Variants in ACADM observed in about 807,000 individuals in gnomAD.
ACADM encodes the protein medium-chain specific acyl-CoA dehydrogenase, mitochondrial.
Under a neutral mutation model 58.9 loss-of-function variants are expected in ACADM, and 49 were observed. The observed-to-expected ratio is 0.83, with a 90% CI of 0.66 to 1.06. The LOEUF (loss-of-function observed/expected upper bound fraction) is 1.06. Among genes scored for constraint, ACADM ranks in the 50% least tolerant of loss-of-function variants. ACADM has a pLI of 0.00. For synonymous variants in ACADM, 160 were observed against 157.7 expected, an observed-to-expected ratio of 1.01 and a Z score of -0.11; for missense variants, 496 against 507.0, an observed-to-expected ratio of 0.98 and a Z score of 0.21.
At chr1:75,728,607 A>G (rs889104731) in intron 2 of ACADM, 119 bp downstream of exon 2, 22 of 740,756 alleles carry the variant, frequency 3.0e-5, no homozygotes, top group East Asian at 2.2e-4. Context: ...GAACCAGTCC[A>G]CTGTCCACAG....
chr1:75,728,853 G>A (rs1460789309), intron 2 of ACADM, among the ~76,000 whole-genome samples: 1 of 152,152 alleles, frequency 6.6e-6, no homozygotes, highest in Non-Finnish European at 1.5e-5. Flanking sequence ...AATTCTAGGT[G>A]CCTGGTAATA....
chr1:75,739,028 C>G (rs1322672534), intron 6 of ACADM, among the ~76,000 whole-genome samples: 1 of 152,202 alleles, frequency 6.6e-6, no homozygotes, highest in Admixed American at 6.5e-5. Flanking sequence ...CATTCCCTTA[C>G]ATGCACAGAA....
chr1:75,759,060 A>T (rs1050421612), intron 10 of ACADM, among the ~76,000 whole-genome samples: 1 of 152,206 alleles, frequency 6.6e-6, no homozygotes, highest in Non-Finnish European at 1.5e-5. Flanking sequence ...AAGACCACGA[A>T]CCCACTGGAA....
At chr1:75,762,185 A>T (rs1648892706) in intron 11 of ACADM, among the ~76,000 whole-genome samples, 2 of 152,226 alleles carry the variant, frequency 1.3e-5, no homozygotes, top group South Asian at 4.1e-4. Context: ...CCATCTGAGA[A>T]GATGAACTAA....
At chr1:75,745,618 C>T in intron 7 of ACADM, 188 bp from the exon 8 acceptor site, 1 of 616,994 alleles carries the variant, frequency 1.6e-6, no homozygotes, top group Admixed American at 2.5e-5. Context: ...AAGACATAGA[C>T]CTCAAATACT....
intron 7 of ACADM, chr1:75,743,425 T>G: frequency 6.2e-7 from 1 of 1,610,042 alleles, no homozygotes; most frequent in Non-Finnish European, 8.5e-7. Flanking sequence ...CTCCTAAAGA[T>G]CAAAGAGGAG....
At chr1:75,758,273 G>A (rs1324953723) in intron 10 of ACADM, among the ~76,000 whole-genome samples, 2 of 152,154 alleles carry the variant, frequency 1.3e-5, no homozygotes, top group South Asian at 4.2e-4. Flanking sequence ...GTTTCATCAT[G>A]TTGGCCAGGC....
chr1:75,744,748 C>A, intron 7 of ACADM: 1 of 723,214 alleles, frequency 1.4e-6, no homozygotes, highest in East Asian at 2.6e-5. Flanking sequence ...GCTGAACGCC[C>A]GGGACACAGT....
intron 2 of ACADM, among the ~76,000 whole-genome samples, chr1:75,728,735 T>TC (rs1647095500): frequency 6.6e-6 from 1 of 152,196 alleles, no homozygotes; most frequent in Admixed American, 6.5e-5. Flanking sequence ...TTCCTTTTTT[T>TC]CTGAGTGTTT....
intron 7 of ACADM, among the ~76,000 whole-genome samples, chr1:75,741,306 A>G (rs766509206): frequency 6.6e-6 from 1 of 152,232 alleles, no homozygotes; most frequent in Non-Finnish European, 1.5e-5. Context: ...ATATCAGTCA[A>G]TTCCTTATGA....
chr1:75,731,421 C>G (rs1472815234), intron 2 of ACADM, among the ~76,000 whole-genome samples: 1 of 151,766 alleles, frequency 6.6e-6, no homozygotes, highest in Non-Finnish European at 1.5e-5. Context: ...TGCATTTGCT[C>G]TCATTTTTCT....
intron 7 of ACADM, chr1:75,743,738 TG>T: frequency 6.5e-7 from 1 of 1,542,908 alleles, no homozygotes; most frequent in Non-Finnish European, 9.0e-7. Flanking sequence ...AGTTCAGTGA[TG>T]GTCTGTTCAA....
At chr1:75,751,986 C>T (rs1033968373) in intron 10 of ACADM, among the ~76,000 whole-genome samples, 1 of 135,762 alleles carries the variant, frequency 7.4e-6, no homozygotes, top group Non-Finnish European at 1.5e-5. Flanking sequence ...TAGTGAACCT[C>T]CTATTTCTCT....
chr1:75,737,822 A>G (rs952525325), intron 6 of ACADM, among the ~76,000 whole-genome samples: 1 of 152,130 alleles, frequency 6.6e-6, no homozygotes, highest in African/African-American at 2.4e-5. Context: ...TTACCAGTTC[A>G]TACTGTAATA....
rs1451872855 is a variant in ACADM at position 75,749,445 on chromosome 1, A to T, written c.735A>T (p.Ser245=). The change falls in exon 9 of 12, where the codon TCA becomes TCT. Residue 245 remains serine, a synonymous_variant. Transcript: ENST00000370841. ...AATTAAACATGGGCCAGCGATGTTC[A>T]GATACTAGAGGAATTGTCTTCGAAG... ...RKELNMGQRC[S]DTRGIVFEDV... The T allele has an allele frequency of 2.5e-6, 4 of 1,613,962 alleles. No homozygotes were observed. The Admixed American group carries it at 5.0e-5, about 20-fold the overall frequency.
intron 6 of ACADM, among the ~76,000 whole-genome samples, chr1:75,737,296 A>ATG (rs1557448447): frequency 0.031 from 2,801 of 91,734 alleles, 108 homozygotes; most frequent in African/African-American, 0.054. Context: ...ATATATATAT[A>ATG]TATATATATA....
chr1:75,732,455 T>A (rs1647163322), intron 2 of ACADM, 189 bp from the exon 3 acceptor site: 2 of 604,484 alleles, frequency 3.3e-6, no homozygotes, highest in Admixed American at 6.1e-5. Flanking sequence ...TCCTTTAGCA[T>A]TTGTATTGAC....
chr1:75,735,189 G>A (rs1467998214), intron 6 of ACADM, among the ~76,000 whole-genome samples: 2 of 151,946 alleles, frequency 1.3e-5, no homozygotes, highest in African/African-American at 4.8e-5. Flanking sequence ...GATGGCGCCT[G>A]CCTATAATCC....
At chr1:75,726,271 T>A (rs867781078) in intron 1 of ACADM, among the ~76,000 whole-genome samples, 4 of 151,374 alleles carry the variant, frequency 2.6e-5, no homozygotes, top group African/African-American at 9.7e-5. Context: ...TAGCTGGGCA[T>A]GGTAGCATAT....
Sources: gnomAD v4.1 joint callset for allele counts (sites outside exome capture counted in the v4.1 genomes callset) on GRCh38, gnomAD v4.1.1 for gene constraint, MANE v1.5 for transcripts, NCBI Gene and HGNC (gene_info 2026-07-23, HGNC 2026-07-21) for gene names.